The following PTPRD variants were observed in gnomAD, a reference collection of about 807,000 sequenced individuals.
The protein encoded by PTPRD is protein tyrosine phosphatase receptor type D.
A neutral mutation model predicts 214.5 loss-of-function variants in PTPRD; 34 were observed. The observed-to-expected ratio is 0.16, with a 90% CI of 0.12 to 0.21. PTPRD has a LOEUF of 0.21. Ranked by LOEUF, PTPRD falls within the 10% of genes least tolerant of loss-of-function variation. PTPRD has a pLI of 1.00. For synonymous variants in PTPRD, 1,128 were observed against 845.7 expected, an observed-to-expected ratio of 1.33 and a Z score of -5.79; for missense variants, 2,545 against 2,398.7, an observed-to-expected ratio of 1.06 and a Z score of -1.27.
intron 3 of PTPRD, among the ~76,000 whole-genome samples, chr9:10,210,095 T>C (rs1751121413): frequency 6.6e-6 from 1 of 152,176 alleles, no homozygotes; most frequent in Admixed American, 6.6e-5. Context: ...AGGAAAACTA[T>C]TCATTTCTAC....
At chr9:10,512,525 T>A (rs1455771142) in intron 2 of PTPRD, among the ~76,000 whole-genome samples, 2 of 152,112 alleles carry the variant, frequency 1.3e-5, no homozygotes, top group Non-Finnish European at 2.9e-5. Flanking sequence ...GGAATGGAGC[T>A]TAGACAAATG....
intron 14 of PTPRD, among the ~76,000 whole-genome samples, chr9:8,586,341 G>A (rs1050292275): frequency 1.3e-5 from 2 of 152,086 alleles, no homozygotes; most frequent in African/African-American, 4.8e-5. Context: ...ATTATAAATA[G>A]ACTCTATAAC....
chr9:9,366,612 G>A (rs28374855), intron 9 of PTPRD, among the ~76,000 whole-genome samples: 4,619 of 151,542 alleles, frequency 0.03, 220 homozygotes, highest in African/African-American at 0.11. Flanking sequence ...ATGGCCATTA[G>A]TAAGGAAAAT....
intron 3 of PTPRD, among the ~76,000 whole-genome samples, chr9:10,047,164 C>A (rs2097416920): frequency 6.6e-6 from 1 of 151,840 alleles, no homozygotes; most frequent in African/African-American, 2.4e-5. Flanking sequence ...CATAAAATTA[C>A]AATGTTTGAA....
chr9:8,910,259 G>A (rs1336099789), intron 11 of PTPRD, among the ~76,000 whole-genome samples: 3 of 151,784 alleles, frequency 2.0e-5, no homozygotes, highest in South Asian at 4.2e-4. Flanking sequence ...GGATGGTCTC[G>A]ATCTCCTGAC....
At chr9:10,051,419 T>C (rs2097532879) in intron 3 of PTPRD, among the ~76,000 whole-genome samples, 1 of 152,134 alleles carries the variant, frequency 6.6e-6, no homozygotes, top group Non-Finnish European at 1.5e-5. Flanking sequence ...ATGATATCTG[T>C]GATATTACAA....
chr9:8,832,543 T>C (rs193218578), intron 11 of PTPRD, among the ~76,000 whole-genome samples: 52 of 150,966 alleles, frequency 3.4e-4, no homozygotes, highest in African/African-American at 1.0e-3. Context: ...ATTTCAGACA[T>C]GCCCAACTGA....
chr9:9,215,014 A>G (rs932616250), intron 9 of PTPRD, among the ~76,000 whole-genome samples: 2 of 152,082 alleles, frequency 1.3e-5, no homozygotes, highest in Non-Finnish European at 2.9e-5. Context: ...AACACACACT[A>G]CTTATATATT....
chr9:9,335,330 T>C (rs1014729628), intron 9 of PTPRD, among the ~76,000 whole-genome samples: 5 of 152,102 alleles, frequency 3.3e-5, no homozygotes, highest in Admixed American at 6.6e-5. Flanking sequence ...AAACTCTGAA[T>C]GTTAATATGA....
chr9:9,853,389 C>A (rs2060912974), intron 5 of PTPRD, among the ~76,000 whole-genome samples: 1 of 152,090 alleles, frequency 6.6e-6, no homozygotes. Flanking sequence ...GAACAACATT[C>A]TTGTTTCAGG....
In PTPRD at chr9:9,101,062, A is replaced by T. The variant is rs1365702233; in HGVS notation, c.-143+82242T>A. ...ATGTTTAAAAATCAGCACATACAAGATGTAAATATGAAATCTGAACCAATT... is the reference window on the plus strand; with the variant it reads ...ATGTTTAAAAATCAGCACATACAAGTTGTAAATATGAAATCTGAACCAATT... On this transcript the variant is annotated intron_variant, in intron 10 of 45. Coordinates refer to ENST00000381196, the MANE Select transcript of PTPRD (RefSeq NM_002839.4). Among the ~76,000 whole-genome samples the T allele has an allele frequency of 4.0e-5, 6 of 151,242 alleles. No individual in the cohort carries two copies. The Admixed American group carries it at 4.0e-4, about 10-fold the overall frequency.
At chr9:8,359,784 T>G (rs979976318) in intron 39 of PTPRD, among the ~76,000 whole-genome samples, 1 of 152,240 alleles carries the variant, frequency 6.6e-6, no homozygotes, top group Non-Finnish European at 1.5e-5. Context: ...TGCATTGCTT[T>G]GTTTGTGTCA....
chr9:10,339,000 A>G (rs1272512407), intron 3 of PTPRD, among the ~76,000 whole-genome samples: 2 of 151,782 alleles, frequency 1.3e-5, no homozygotes, highest in Non-Finnish European at 2.9e-5. Flanking sequence ...CTGAGCAAGA[A>G]CAAAGTAAAT....
chr9:8,795,936 T>C (rs1050497399), intron 11 of PTPRD, among the ~76,000 whole-genome samples: 1 of 152,230 alleles, frequency 6.6e-6, no homozygotes, highest in African/African-American at 2.4e-5. Context: ...AGGCACTTTT[T>C]ACCTTGTATA....
intron 3 of PTPRD, among the ~76,000 whole-genome samples, chr9:10,289,874 A>G (rs16925729): frequency 0.051 from 7,773 of 152,288 alleles, 284 homozygotes; most frequent in South Asian, 0.15. Context: ...TAGAATCTTA[A>G]GCAGTGTTCA....
chr9:10,289,822 T>C (rs941505415), intron 3 of PTPRD, among the ~76,000 whole-genome samples: 18 of 152,168 alleles, frequency 1.2e-4, no homozygotes, highest in African/African-American at 3.1e-4. Context: ...CAAGAAATTG[T>C]AATAAAGAAT....
At chr9:9,408,374 C>T (rs1439588406) in intron 8 of PTPRD, among the ~76,000 whole-genome samples, 4 of 151,706 alleles carry the variant, frequency 2.6e-5, no homozygotes, top group African/African-American at 4.8e-5. Context: ...AGCATTTTTT[C>T]CCAACCCATA....
intron 4 of PTPRD, among the ~76,000 whole-genome samples, chr9:10,018,314 C>T (rs1009491155): frequency 6.6e-6 from 1 of 151,844 alleles, no homozygotes; most frequent in Non-Finnish European, 1.5e-5. Flanking sequence ...TTATATATTC[C>T]AATAAATCAG....
chr9:8,919,345 C>A (rs12336778), intron 11 of PTPRD, among the ~76,000 whole-genome samples: 13,696 of 147,724 alleles, frequency 0.093, 1,222 homozygotes, highest in East Asian at 0.25. Flanking sequence ...TGAGCCGAGG[C>A]TATGCCACTG....
Sources: allele counts gnomAD v4.1 joint callset (sites outside exome capture counted in the v4.1 genomes callset), GRCh38; gene constraint gnomAD v4.1.1; transcripts MANE v1.5; gene names NCBI Gene and HGNC (gene_info 2026-07-23, HGNC 2026-07-21).